ITGB5: variants seen among roughly 807,000 people sequenced by gnomAD.
ITGB5 encodes integrin subunit beta 5, also known as integrin beta-5.
Under a neutral mutation model 84.8 loss-of-function variants are expected in ITGB5, and 38 were observed. The ratio of observed to expected loss-of-function variants is 0.45; its 90% confidence interval spans 0.35 to 0.59. The LOEUF (loss-of-function observed/expected upper bound fraction) is 0.59, where lower values mean the gene tolerates loss of function less well. ITGB5 is among the 20% of genes least tolerant of loss of function. The pLI, the probability that ITGB5 is intolerant of heterozygous loss-of-function variation, is 0.01. For missense variants in ITGB5, 905 were observed against 1,034.5 expected, an observed-to-expected ratio of 0.87 and a Z score of 1.72; for synonymous variants, 393 against 414.4, an observed-to-expected ratio of 0.95 and a Z score of 0.63.
chr3:124,834,693 G>GAAGC (rs1021880523), intron 5 of ITGB5, among the ~76,000 whole-genome samples: 7 of 151,748 alleles, frequency 4.6e-5, no homozygotes, highest in Non-Finnish European at 8.8e-5. Flanking sequence ...AGGAAGGAAG[G>GAAGC]AAGCAAGCAA....
At chr3:124,801,766 CAATGGCCAG>C (rs1176667090) in intron 9 of ITGB5, among the ~76,000 whole-genome samples, 3 of 152,372 alleles carry the variant, frequency 2.0e-5, no homozygotes, top group Non-Finnish European at 4.4e-5. Flanking sequence ...ACTTGCCAAA[CAATGGCCAG>C]AATGGCCAGA....
intron 10 of ITGB5, among the ~76,000 whole-genome samples, chr3:124,786,895 A>G (rs2064089354): frequency 6.6e-6 from 1 of 152,244 alleles, no homozygotes; most frequent in South Asian, 2.1e-4. Context: ...ATGGAACAAA[A>G]GAATCCTTAA....
In ITGB5 at chr3:124,762,766, C is replaced by CTATT. The variant is rs2063712484; in HGVS notation, c.*856_*857insAATA. 1 of 152,182 alleles carries CTATT rather than the reference C, an allele frequency of 6.6e-6. No individual in the cohort carries two copies. The highest frequency in any genetic ancestry group is 6.5e-5 in the Admixed American group (1 of 15,278). The allele number at this position is 152,182 out of a possible 1,614,324, so 9.4% of individuals were successfully genotyped here. A position where few individuals can be genotyped will look rare whatever the true frequency, so the allele number is the denominator to read the frequency against. ...AAAAGCTGGAAGGGGCCAAAGGTAT[C>CTATT]TGCTCAGTGTTCCCCCTTGCACAGC... is the stretch of plus-strand genomic sequence containing the variant. On this transcript the variant is annotated 3_prime_UTR_variant, in exon 15 of 15. Coordinates refer to ENST00000296181, the MANE Select transcript of ITGB5 (RefSeq NM_002213.5).
At chr3:124,830,855 G>A (rs182312899) in intron 5 of ITGB5, among the ~76,000 whole-genome samples, 5 of 152,182 alleles carry the variant, frequency 3.3e-5, no homozygotes, top group East Asian at 1.9e-4. Flanking sequence ...GTGGTGGCAC[G>A]TGCCTGTAAT....
At chr3:124,828,593 C>T (rs1043756145) in intron 5 of ITGB5, among the ~76,000 whole-genome samples, 1 of 152,134 alleles carries the variant, frequency 6.6e-6, no homozygotes, top group Non-Finnish European at 1.5e-5. Flanking sequence ...TTACCTTGAT[C>T]GCAGAGTTGC....
At chr3:124,851,284 G>A (rs2065149688) in intron 3 of ITGB5, among the ~76,000 whole-genome samples, 2 of 152,068 alleles carry the variant, frequency 1.3e-5, no homozygotes, top group South Asian at 4.1e-4. Flanking sequence ...AAGTGGGGAG[G>A]ATATTAACTA....
At chr3:124,774,030 C>T (rs549302346) in intron 10 of ITGB5, 118 bp from the exon 11 acceptor site, 2 of 882,546 alleles carry the variant, frequency 2.3e-6, no homozygotes, top group South Asian at 3.2e-5. Context: ...CCAACTCTGC[C>T]CTCAGAGCCT....
intron 1 of ITGB5, among the ~76,000 whole-genome samples, chr3:124,896,433 C>T (rs1008113771): frequency 6.6e-6 from 1 of 152,186 alleles, no homozygotes; most frequent in Non-Finnish European, 1.5e-5. Context: ...TCAGAGACCA[C>T]ACTTGGCTTT....
Position 124,763,651 on chromosome 3 carries a change from TTGAACTTG to T in ITGB5, c.2364_2371del (p.Asn788LysfsTer28). 1 of 1,248,488 alleles carries T rather than the reference TTGAACTTG, an allele frequency of 8.0e-7. No individual in the cohort carries two copies. The highest frequency in any genetic ancestry group is 1.1e-6 in the Non-Finnish European group (1 of 895,884). The allele number at this position is 1,248,488 out of a possible 1,614,324, so 77.3% of individuals were successfully genotyped here. On this transcript the variant is annotated frameshift_variant, in exon 15 of 15. Coordinates refer to ENST00000296181, the MANE Select transcript of ITGB5 (RefSeq NM_002213.5). LOFTEE classifies it high-confidence loss of function. ...GTCCACAGTGCCATTGTAGGATTTG[TTGAACTTG>T]TTGAAGGTGAAGTCCACAGTGTGCG...
In ITGB5 at chr3:124,766,228, G is replaced by T. The variant is rs1559919577; in HGVS notation, c.2135C>A (p.Pro712Gln). 3 of 1,613,502 alleles carry T rather than the reference G, an allele frequency of 1.9e-6. No individual in the cohort carries two copies. The Admixed American group carries it at 5.0e-5, about 27-fold the overall frequency. The change falls in exon 13 of 15, where the codon CCA becomes CAA. Residue 712 changes from proline (P) to glutamine (Q), a missense_variant and splice_region_variant. This residue lies in a region of ITGB5 where 133 missense variants were observed against 122.8 expected (regional missense o/e 1.08). Coordinates refer to ENST00000296181, the MANE Select transcript of ITGB5 (RefSeq NM_002213.5). ...GAGCCCTTGCAGCCCTCACCTACCT[G>T]GCTCCCTGAGGACGGTCAGGTTGGA... ...GKSNLTVLREPECGNTPNAMT... is the reference protein window; with the variant it reads ...GKSNLTVLREQECGNTPNAMT...
chr3:124,877,127 C>G (rs1022258654), intron 1 of ITGB5, among the ~76,000 whole-genome samples: 2 of 143,912 alleles, frequency 1.4e-5, no homozygotes, highest in East Asian at 4.1e-4. Flanking sequence ...CACATCACCA[C>G]ACCTGGCTAA....
At position 124,798,558 on chromosome 3, in the gene ITGB5, T is replaced by A. The variant is rs1290774178; in HGVS notation, c.1264-1741A>T. ...TCTCAGCCTCTCAAATAGCTGGGAT[T>A]ACAGGTGCCTGTCACCATGCCTGGC... On this transcript the variant is annotated intron_variant, in intron 9 of 14. Coordinates refer to ENST00000296181, the MANE Select transcript of ITGB5 (RefSeq NM_002213.5). Among the ~76,000 whole-genome samples, 4 of 152,066 alleles carry A rather than the reference T, an allele frequency of 2.6e-5. 1 individual carries two copies. The highest frequency in any genetic ancestry group is 2.6e-4 in the Admixed American group (4 of 15,256).
chr3:124,817,425 C>G (rs1195422362), intron 8 of ITGB5, among the ~76,000 whole-genome samples, 196 bp downstream of exon 8: 2 of 152,118 alleles, frequency 1.3e-5, no homozygotes, highest in African/African-American at 4.8e-5. Flanking sequence ...GAGAGGGAGA[C>G]TCATCAAGCA....
intron 6 of ITGB5, among the ~76,000 whole-genome samples, chr3:124,820,799 T>C (rs1359280839): frequency 2.0e-5 from 3 of 152,202 alleles, no homozygotes; most frequent in African/African-American, 7.2e-5. Context: ...AATTGCATAG[T>C]TGTGGTTATA....
Position 124,814,280 on chromosome 3 carries a change from T to C in ITGB5, c.1128+3341A>G, listed in dbSNP as rs374629060. ...TATATTTAATATATATATTTTAAAT[T>C]TCACCTGAAGGGAGGGGTGGAAGAA... On this transcript the variant is annotated intron_variant, in intron 8 of 14. Coordinates refer to ENST00000296181, the MANE Select transcript of ITGB5 (RefSeq NM_002213.5). Among the ~76,000 whole-genome samples the C allele has an allele frequency of 2.0e-4, 31 of 151,958 alleles. No homozygotes were observed. The East Asian group carries it at 5.6e-3, about 28-fold the overall frequency.
intron 10 of ITGB5, among the ~76,000 whole-genome samples, chr3:124,794,992 G>A (rs911015206): frequency 4.6e-5 from 7 of 152,118 alleles, no homozygotes; most frequent in African/African-American, 1.4e-4. Context: ...GACAAGTAAC[G>A]CACTTGATTA....
intron 3 of ITGB5, 37 bp from the exon 4 acceptor site, chr3:124,848,595 T>C: frequency 6.3e-7 from 1 of 1,588,066 alleles, no homozygotes; most frequent in Non-Finnish European, 8.6e-7. Context: ...TTAGAGGTTG[T>C]GCAACCTGCT....
chr3:124,842,616 C>G (rs968048745), intron 4 of ITGB5, among the ~76,000 whole-genome samples: 1 of 152,152 alleles, frequency 6.6e-6, no homozygotes, highest in Admixed American at 6.5e-5. Context: ...CAGGCTGGGC[C>G]AGACTGTGCA....
At chr3:124,815,861 A>G (rs1023249274) in intron 8 of ITGB5, among the ~76,000 whole-genome samples, 2 of 152,110 alleles carry the variant, frequency 1.3e-5, no homozygotes, top group African/African-American at 4.8e-5. Context: ...CAAATCACTC[A>G]CCGTGGAATC....
Sources: gnomAD v4.1 joint callset for allele counts (sites outside exome capture counted in the v4.1 genomes callset) on GRCh38, gnomAD v4.1.1 for gene constraint, gnomAD v4.1.1 regional missense constraint, MANE v1.5 for transcripts, NCBI Gene and HGNC (gene_info 2026-07-23, HGNC 2026-07-21) for gene names.